The following OPCML variants were observed in gnomAD, a reference collection of about 807,000 sequenced individuals.
OPCML encodes the protein opioid-binding protein/cell adhesion molecule.
In OPCML, 13 loss-of-function variants were observed where a neutral mutation model predicts 37.8. That is an observed-to-expected ratio of 0.34 (90% CI 0.22 to 0.55). OPCML has a LOEUF of 0.55. Among genes scored for constraint, OPCML ranks in the 20% least tolerant of loss-of-function variants. OPCML has a pLI of 0.91. For synonymous variants in OPCML, 176 were observed against 168.8 expected (o/e 1.04, Z -0.33); for missense variants, 341 against 435.6 (o/e 0.78, Z 1.93).
At chr11:133,374,838 C>T (rs1944762492) in intron 1 of OPCML, among the ~76,000 whole-genome samples, 1 of 152,158 alleles carries the variant, frequency 6.6e-6, no homozygotes, top group South Asian at 2.1e-4. Context: ...GCTCTTTCTC[C>T]CACTGCCCAC....
chr11:133,247,587 C>T (rs1186908888), intron 1 of OPCML, among the ~76,000 whole-genome samples: 2 of 27,708 alleles, frequency 7.2e-5, no homozygotes, highest in Non-Finnish European at 1.2e-4. Context: ...TTTCTTTCAT[C>T]TGTCTTTCTT....
At chr11:132,702,820 T>C (rs1241940822) in intron 2 of OPCML, among the ~76,000 whole-genome samples, 1 of 152,056 alleles carries the variant, frequency 6.6e-6, no homozygotes, top group Non-Finnish European at 1.5e-5. Context: ...TTCTGCTTGA[T>C]TGAGTCTACT....
At chr11:132,971,976 G>A (rs1006028950) in intron 1 of OPCML, among the ~76,000 whole-genome samples, 4 of 152,152 alleles carry the variant, frequency 2.6e-5, no homozygotes, top group African/African-American at 9.7e-5. Context: ...AAGCATCAAT[G>A]TGGAGTCATT....
At chr11:132,486,546 A>G (rs558379332) in intron 4 of OPCML, among the ~76,000 whole-genome samples, 1 of 152,248 alleles carries the variant, frequency 6.6e-6, no homozygotes, top group Admixed American at 6.5e-5. Context: ...ACATTGACCC[A>G]TTCAAACCCC....
At chr11:133,024,803 C>A (rs1947519100) in intron 1 of OPCML, 1 of 985,204 alleles carries the variant, frequency 1.0e-6, no homozygotes, top group Admixed American at 6.1e-5. Flanking sequence ...TCTCCCAGGA[C>A]TCAGTTCTAT....
intron 1 of OPCML, among the ~76,000 whole-genome samples, chr11:133,181,186 C>T (rs1030392502): frequency 2.0e-5 from 3 of 152,074 alleles, no homozygotes; most frequent in Admixed American, 2.0e-4. Context: ...TGTGAACACA[C>T]GGGTCATTGT....
chr11:132,673,431 C>T (rs866604260), intron 2 of OPCML, among the ~76,000 whole-genome samples: 1 of 152,048 alleles, frequency 6.6e-6, no homozygotes, highest in Admixed American at 6.5e-5. Context: ...AGGGAGAAAC[C>T]AAGTGAGAGG....
At chr11:132,488,021 C>G (rs976395653) in intron 4 of OPCML, among the ~76,000 whole-genome samples, 5 of 152,222 alleles carry the variant, frequency 3.3e-5, no homozygotes, top group Non-Finnish European at 5.9e-5. Context: ...CTCCAGCCTA[C>G]CTTTGCAGCC....
intron 1 of OPCML, among the ~76,000 whole-genome samples, chr11:133,322,900 A>C (rs549646523): frequency 1.6e-4 from 25 of 152,368 alleles, no homozygotes; most frequent in African/African-American, 6.0e-4. Context: ...AAGAATGAAC[A>C]AACAACTGAG....
intron 1 of OPCML, among the ~76,000 whole-genome samples, chr11:133,525,524 C>T (rs1163420474): frequency 1.3e-5 from 2 of 152,166 alleles, no homozygotes; most frequent in Non-Finnish European, 2.9e-5. Context: ...GGGTTTTAGG[C>T]AACGCGAAGA....
intron 1 of OPCML, among the ~76,000 whole-genome samples, chr11:133,127,885 C>T (rs187294908): frequency 2.5e-4 from 38 of 152,084 alleles, no homozygotes; most frequent in South Asian, 1.3e-3. Context: ...GGCTTCCAAA[C>T]GGGGCTCTGA....
chr11:133,014,318 G>GC (rs1555075883), intron 1 of OPCML, among the ~76,000 whole-genome samples: 1 of 149,310 alleles, frequency 6.7e-6, no homozygotes, highest in Admixed American at 6.7e-5. Context: ...TAAGCTGCTT[G>GC]TTTTTTTTTT....
chr11:132,445,856 T>TA (rs2096053361), intron 4 of OPCML, among the ~76,000 whole-genome samples: 2 of 152,180 alleles, frequency 1.3e-5, no homozygotes, highest in South Asian at 4.1e-4. Context: ...GTGCACATCT[T>TA]ACAGTGTGCT....
chr11:133,470,490 C>T (rs918760824), intron 1 of OPCML, among the ~76,000 whole-genome samples: 7 of 152,144 alleles, frequency 4.6e-5, no homozygotes, highest in Admixed American at 4.6e-4. Context: ...ACAGCTGGTC[C>T]CAGACAATCT....
chr11:132,832,924 AT>A (rs11309337), intron 2 of OPCML, among the ~76,000 whole-genome samples: 13,192 of 151,216 alleles, frequency 0.087, 637 homozygotes, highest in Middle Eastern at 0.11. Context: ...TGATAAAAAG[AT>A]TTTTTTTTAA....
intron 3 of OPCML, among the ~76,000 whole-genome samples, chr11:132,626,281 G>A (rs1237781698): frequency 6.6e-6 from 1 of 151,936 alleles, no homozygotes; most frequent in African/African-American, 2.4e-5. Flanking sequence ...CCTGACAAGG[G>A]AGTACAGGTG....
At chr11:132,498,242 A>G (rs1456820398) in intron 4 of OPCML, among the ~76,000 whole-genome samples, 1 of 152,222 alleles carries the variant, frequency 6.6e-6, no homozygotes, top group African/African-American at 2.4e-5. Context: ...GTTCAAGGAG[A>G]AATAAAACTT....
intron 1 of OPCML, among the ~76,000 whole-genome samples, chr11:133,009,856 A>T (rs1947183647): frequency 2.0e-5 from 3 of 152,100 alleles, no homozygotes; most frequent in Non-Finnish European, 4.4e-5. Context: ...CAGGGCATGG[A>T]CTGGTATTGG....
At position 133,173,239 on chromosome 11, in the gene OPCML, A is replaced by G. The variant is rs1231849119; in HGVS notation, c.62-230229T>C. On this transcript the variant is annotated intron_variant, in intron 1 of 7. Transcript: ENST00000524381. This position sits in a 1 kb window ranked among gnomAD's most constrained non-coding sequence, Gnocchi z 7.8. ...TCAAATATTAGAAATAGTCCACATA[A>G]CTGTGAAGCATTTCTCAGAATGTTA... Among the ~76,000 whole-genome samples, 1 of 152,242 alleles carries G rather than the reference A, an allele frequency of 6.6e-6. No individual in the cohort carries two copies. The highest frequency in any genetic ancestry group is 1.5e-5 in the Non-Finnish European group (1 of 68,046).
Sources: allele counts gnomAD v4.1 joint callset (sites outside exome capture counted in the v4.1 genomes callset), GRCh38; gene constraint gnomAD v4.1.1; non-coding constraint Gnocchi (gnomAD v3.1); transcripts MANE v1.5; gene names NCBI Gene and HGNC (gene_info 2026-07-23, HGNC 2026-07-21).